The following WNT16 variants were observed in gnomAD, a reference collection of about 807,000 sequenced individuals.
WNT16 encodes the protein protein Wnt-16.
WNT16 carries 20 observed loss-of-function variants against 35.4 expected under a neutral mutation model. The ratio of observed to expected loss-of-function variants is 0.56; its 90% CI spans 0.40 to 0.82. The LOEUF is 0.82. Ranked by LOEUF, WNT16 falls within the 40% of genes least tolerant of loss-of-function variation. WNT16 has a pLI of 0.00. For synonymous variants in WNT16, 180 were observed against 179.2 expected (o/e 1.00, Z -0.03); for missense variants, 461 against 466.0 (o/e 0.99, Z 0.10).
Position 121,340,981 on chromosome 7 carries a change from G to T in WNT16, c.*1636G>T, listed in dbSNP as rs1365360063. ...TAAAGAAATGTTTCCCTGCCCCACA[G>T]TCTTCATTCTATTTCTCTTTAATTT... On this transcript the variant is annotated 3_prime_UTR_variant, in exon 4 of 4. Coordinates refer to ENST00000222462, the MANE Select transcript of WNT16 (RefSeq NM_057168.2). 1 of 152,028 alleles carries T rather than the reference G, an allele frequency of 6.6e-6. No homozygotes were observed. Among genetic ancestry groups the T allele is most frequent in the African/African-American group, 2.4e-5 (1 of 41,404 alleles). The allele number at this position is 152,028 out of a possible 1,614,324, so 9.4% of individuals were successfully genotyped here. A position where few individuals can be genotyped will look rare whatever the true frequency, so the allele number is the denominator to read the frequency against.
intron 3 of WNT16, among the ~76,000 whole-genome samples, chr7:121,335,698 T>G (rs1286710998): frequency 6.6e-6 from 1 of 152,082 alleles, no homozygotes; most frequent in African/African-American, 2.4e-5. Flanking sequence ...TGGGGGAGTG[T>G]TCATGCAATT....
intron 2 of WNT16, 24 bp from the exon 3 acceptor site, chr7:121,331,654 T>C (rs1793347967): frequency 4.4e-6 from 7 of 1,595,500 alleles, no homozygotes; most frequent in Non-Finnish European, 5.1e-6. Context: ...GGTTCTCTAA[T>C]TTAGCAATTT....
intron 3 of WNT16, among the ~76,000 whole-genome samples, chr7:121,336,094 T>C (rs1293534962): frequency 1.3e-5 from 2 of 151,486 alleles, no homozygotes; most frequent in Non-Finnish European, 2.9e-5. Flanking sequence ...TTATTCTAAT[T>C]CCAGATTGTC....
chr7:121,333,067 C>T (rs1793379581), intron 3 of WNT16, among the ~76,000 whole-genome samples: 1 of 151,912 alleles, frequency 6.6e-6, no homozygotes, highest in Non-Finnish European at 1.5e-5. Flanking sequence ...TTGTAATAAA[C>T]TTTTTCAGGA....
chr7:121,338,261 C>T (rs1793470974), intron 3 of WNT16, among the ~76,000 whole-genome samples: 1 of 152,164 alleles, frequency 6.6e-6, no homozygotes, highest in African/African-American at 2.4e-5. Context: ...CCCTGCCCGA[C>T]CAGTGAAATC....
At position 121,331,830 on chromosome 7, in the gene WNT16, G is replaced by T. The variant is rs746483900; in HGVS notation, c.499G>T (p.Gly167Cys). ...GSASEGWHWG[G>C]CSDDVQYGMW... Reference sequence around the variant, plus strand: ...AGCAAGTGAAGGCTGGCACTGGGGGGGCTGCTCCGATGATGTCCAGTATGG... The same window carrying T: ...AGCAAGTGAAGGCTGGCACTGGGGGTGCTGCTCCGATGATGTCCAGTATGG... The change falls in exon 3 of 4, where the codon GGC becomes TGC. Residue 167 changes from glycine (G) to cysteine (C), a missense_variant. By Grantham distance (159) the Gly-to-Cys change is radical. Coordinates refer to ENST00000222462, the MANE Select transcript of WNT16 (RefSeq NM_057168.2). 8.1e-6 allele frequency: 13 copies of T among 1,614,014 alleles called. No individual in the cohort carries two copies. The highest frequency in any genetic ancestry group is 1.7e-5 in the Admixed American group (1 of 60,000).
chr7:121,327,349 CT>C (rs34420179), upstream of WNT16, among the ~76,000 whole-genome samples: 393 of 121,564 alleles, frequency 3.2e-3, 1 homozygote, highest in African/African-American at 6.8e-3. Context: ...CTATCTAATC[CT>C]TTTTTTTTTT....
intron 3 of WNT16, among the ~76,000 whole-genome samples, chr7:121,335,405 TGC>T (rs1793425878): frequency 6.6e-6 from 1 of 152,112 alleles, no homozygotes; most frequent in African/African-American, 2.4e-5. Context: ...GTAGATTAAA[TGC>T]TACCCTCCTG....
chr7:121,332,163 A>AAATTT (rs1793360335), intron 3 of WNT16, among the ~76,000 whole-genome samples, 199 bp downstream of exon 3: 3 of 152,244 alleles, frequency 2.0e-5, no homozygotes, highest in Non-Finnish European at 4.4e-5. Context: ...GCGTTAAAGC[A>AAATTT]TCCATGGTAA....
At position 121,329,239 on chromosome 7, in the gene WNT16, G is replaced by A. The variant is rs371299932; in HGVS notation, c.-54G>A. 1,340 of 1,490,220 alleles carry A rather than the reference G, an allele frequency of 9.0e-4. 23 individuals are homozygous for A. The South Asian group carries it at 0.016, about 18-fold the overall frequency. 92.3% of individuals were successfully genotyped at this position (1,490,220 alleles called of 1,614,324 possible). On this transcript the variant is annotated 5_prime_UTR_variant, in exon 1 of 4. Coordinates refer to ENST00000222462, the MANE Select transcript of WNT16 (RefSeq NM_057168.2). Reference sequence around the variant, plus strand: ...CTGACCTGCGGCCCGAAGGGCCTCTGGGGAGGGGGTGCAAAAGAGGAGCGG... The same window carrying A: ...CTGACCTGCGGCCCGAAGGGCCTCTAGGGAGGGGGTGCAAAAGAGGAGCGG...
intron 2 of WNT16, 68 bp downstream of exon 2, chr7:121,329,885 ATAAAG>A: frequency 1.3e-6 from 2 of 1,568,644 alleles, no homozygotes; most frequent in East Asian, 2.2e-5. Flanking sequence ...GTTCCTGCAA[ATAAAG>A]TAAATAGTGC....
At chr7:121,338,412 T>C (rs1793473771) in intron 3 of WNT16, among the ~76,000 whole-genome samples, 2 of 152,208 alleles carry the variant, frequency 1.3e-5, no homozygotes, top group Non-Finnish European at 2.9e-5. Context: ...TTTGGTTCTG[T>C]AGGTCTGGAG....
At chr7:121,325,475 C>T (rs757183330), upstream of WNT16, 3 of 1,613,004 alleles carry the variant, frequency 1.9e-6, no homozygotes, top group South Asian at 3.3e-5. Flanking sequence ...AAAAGACCTC[C>T]CTATGGTGGG....
At chr7:121,331,124 T>C (rs1380678176) in intron 2 of WNT16, among the ~76,000 whole-genome samples, 1 of 152,250 alleles carries the variant, frequency 6.6e-6, no homozygotes, top group Non-Finnish European at 1.5e-5. Context: ...TAATCTTTAA[T>C]GTGAAAATAT....
At chr7:121,335,385 A>C (rs1441604357) in intron 3 of WNT16, among the ~76,000 whole-genome samples, 1 of 152,086 alleles carries the variant, frequency 6.6e-6, no homozygotes, top group Non-Finnish European at 1.5e-5. Context: ...AAATTTACAC[A>C]AGGAATCCAG....
chr7:121,325,581 A>G (rs1438646872), upstream of WNT16: 7 of 1,213,092 alleles, frequency 5.8e-6, no homozygotes, highest in Non-Finnish European at 8.0e-6. Flanking sequence ...CCAGTAAAAA[A>G]TTTTGACCCA....
intron 2 of WNT16, among the ~76,000 whole-genome samples, chr7:121,330,028 G>A (rs1219329385): frequency 1.3e-5 from 2 of 152,134 alleles, no homozygotes; most frequent in African/African-American, 4.8e-5. Flanking sequence ...TTCCAGAGCG[G>A]AGCTCTAGGG....
chr7:121,332,237 C>CGTGTGTGT (rs56219125), intron 3 of WNT16, among the ~76,000 whole-genome samples: 5,774 of 151,338 alleles, frequency 0.038, 384 homozygotes, highest in African/African-American at 0.13. Flanking sequence ...AATAAATATA[C>CGTGTGTGT]GTGTGTGTGT....
chr7:121,331,606 G>A, intron 2 of WNT16, 72 bp from the exon 3 acceptor site: 1 of 1,428,744 alleles, frequency 7.0e-7, no homozygotes, highest in South Asian at 1.3e-5. Context: ...AAGATCATGA[G>A]TAGGAGGCTT....
Sources: allele counts gnomAD v4.1 joint callset (sites outside exome capture counted in the v4.1 genomes callset), GRCh38; gene constraint gnomAD v4.1.1; transcripts MANE v1.5; gene names NCBI Gene and HGNC (gene_info 2026-07-23, HGNC 2026-07-21).